Variants in TCF20 observed in about 807,000 individuals in gnomAD.
TCF20 encodes the protein SPRE-binding protein.
In TCF20, 3 loss-of-function variants were observed where a neutral mutation model predicts 148.6. That is an observed-to-expected ratio of 0.02 (90% confidence interval 0.01 to 0.05). The LOEUF (loss-of-function observed/expected upper bound fraction) is 0.05. TCF20 is among the 10% of genes least tolerant of loss of function. The probability of loss-of-function intolerance (pLI) is 1.00; values close to 1 mark genes in which losing one functional copy is unlikely to be tolerated. For missense variants in TCF20, 2,350 were observed against 2,429.3 expected, an observed-to-expected ratio of 0.97 and a Z score of 0.69; for synonymous variants, 1,049 against 909.5, an observed-to-expected ratio of 1.15 and a Z score of -2.76.
intron 1 of TCF20, among the ~76,000 whole-genome samples, chr22:42,257,030 T>C (rs1925781685): frequency 6.6e-6 from 1 of 152,136 alleles, no homozygotes; most frequent in African/African-American, 2.4e-5. Flanking sequence ...TGTGGTGGCA[T>C]GTGCCTGTAG....
At chr22:42,258,483 T>G (rs944124078) in intron 1 of TCF20, among the ~76,000 whole-genome samples, 6 of 152,148 alleles carry the variant, frequency 3.9e-5, no homozygotes, top group Non-Finnish European at 8.8e-5. Context: ...CTCACTCTCC[T>G]GCATCTTCAA....
At chr22:42,165,175 T>C (rs1341248351) in intron 5 of TCF20, among the ~76,000 whole-genome samples, 1 of 152,212 alleles carries the variant, frequency 6.6e-6, no homozygotes, top group Non-Finnish European at 1.5e-5. Flanking sequence ...GGACTGCCTC[T>C]GGACCAGTTT....
At chr22:42,323,074 T>C (rs1462508305) in intron 1 of TCF20, among the ~76,000 whole-genome samples, 1 of 151,310 alleles carries the variant, frequency 6.6e-6, no homozygotes, top group Admixed American at 6.6e-5. Flanking sequence ...GACTGGCTGA[T>C]TTTGTATTTT....
At chr22:42,193,005 G>A (rs1243953334) in intron 2 of TCF20, among the ~76,000 whole-genome samples, 2 of 152,162 alleles carry the variant, frequency 1.3e-5, no homozygotes, top group Non-Finnish European at 2.9e-5. Context: ...TGAATGGGAA[G>A]CATCCCAGGT....
chr22:42,204,866 T>A (rs1237632267), intron 2 of TCF20, among the ~76,000 whole-genome samples: 2 of 150,952 alleles, frequency 1.3e-5, no homozygotes, highest in Non-Finnish European at 3.0e-5. Context: ...AAATAGAAAA[T>A]AAAAATTAAC....
intron 3 of TCF20, among the ~76,000 whole-genome samples, chr22:42,174,430 T>C (rs1160420639): frequency 1.3e-5 from 2 of 152,260 alleles, no homozygotes; most frequent in Non-Finnish European, 2.9e-5. Context: ...TGCTGAAGTG[T>C]GCTCGGGTGG....
At chr22:42,273,360 C>CAAAA (rs35166029), upstream of TCF20, among the ~76,000 whole-genome samples, 5,022 of 61,214 alleles carry the variant, frequency 0.082, 799 homozygotes, top group East Asian at 0.11. Flanking sequence ...AACTCCGTCT[C>CAAAA]AAAAAAAAAA....
In TCF20 at chr22:42,211,570, A is replaced by G; in HGVS notation, c.3736T>C (p.Ser1246Pro). ...MLRLPGQEDH[S>P]SQNPLIMRRR... ...CTCATGATTAAGGGGTTTTGAGAAG[A>G]ATGATCCTCCTGGCCTGGAAGTCTC... Residue 1246 changes from serine (S) to proline (P), a missense_variant, in exon 2 of 6, where the codon TCT (serine) becomes CCT (proline). This residue lies in a region of TCF20 where 1,641 missense variants were observed against 1,662.6 expected (regional missense o/e 0.99). Coordinates refer to ENST00000677622, the MANE Select transcript of TCF20 (RefSeq NM_001378418.1). The G allele has an allele frequency of 6.2e-7, 1 of 1,614,168 alleles. No individual in the cohort carries two copies. The highest frequency in any genetic ancestry group is 8.5e-7 in the Non-Finnish European group (1 of 1,180,016).
intron 1 of TCF20, among the ~76,000 whole-genome samples, chr22:42,318,668 C>T (rs1246327721): frequency 6.6e-6 from 1 of 152,176 alleles, no homozygotes; most frequent in African/African-American, 2.4e-5. Flanking sequence ...GGGATGACTC[C>T]AGGCCCCCAG....
At chr22:42,263,954 C>T (rs1926150775) in intron 1 of TCF20, among the ~76,000 whole-genome samples, 2 of 152,092 alleles carry the variant, frequency 1.3e-5, no homozygotes, top group Non-Finnish European at 2.9e-5. Flanking sequence ...TGGCATCTTC[C>T]TGAGTTGTAA....
intron 2 of TCF20, among the ~76,000 whole-genome samples, chr22:42,189,379 C>A (rs1354633653): frequency 6.6e-6 from 1 of 152,200 alleles, no homozygotes; most frequent in East Asian, 1.9e-4. Context: ...GTGGCACCTG[C>A]TCTAAATGCT....
chr22:42,227,352 T>C (rs1923006561), intron 1 of TCF20, among the ~76,000 whole-genome samples: 2 of 152,168 alleles, frequency 1.3e-5, no homozygotes, highest in Non-Finnish European at 1.5e-5. Context: ...TCACATACCC[T>C]CTTTCAACGA....
chr22:42,263,509 T>A (rs1317416030), intron 1 of TCF20, among the ~76,000 whole-genome samples: 1 of 152,210 alleles, frequency 6.6e-6, no homozygotes, highest in Non-Finnish European at 1.5e-5. Context: ...TTTTCAATTC[T>A]AGAAACCCAT....
intron 2 of TCF20, among the ~76,000 whole-genome samples, chr22:42,187,663 G>C (rs1419214322): frequency 6.6e-6 from 1 of 152,196 alleles, no homozygotes; most frequent in Non-Finnish European, 1.5e-5. Context: ...CATAAGGTGG[G>C]ACCAGCCTGT....
chr22:42,320,372 A>AC (rs1429744583), intron 1 of TCF20, among the ~76,000 whole-genome samples: 1 of 152,206 alleles, frequency 6.6e-6, no homozygotes. Flanking sequence ...TGAAATGGGC[A>AC]CGATGACCCT....
chr22:42,266,315 A>G (rs936976480), intron 1 of TCF20, among the ~76,000 whole-genome samples: 3 of 152,228 alleles, frequency 2.0e-5, no homozygotes. Flanking sequence ...ACACAATTTA[A>G]AATGCCTTGG....
chr22:42,254,822 G>C (rs184141813), intron 1 of TCF20, among the ~76,000 whole-genome samples: 1 of 151,748 alleles, frequency 6.6e-6, no homozygotes, highest in Non-Finnish European at 1.5e-5. Flanking sequence ...AAAATTAGCC[G>C]CGGGTGGAGG....
intron 1 of TCF20, among the ~76,000 whole-genome samples, chr22:42,331,973 A>G (rs555487655): frequency 2.6e-5 from 4 of 152,372 alleles, no homozygotes; most frequent in African/African-American, 9.6e-5. Context: ...TACTAGCAAG[A>G]TGCTATCACA....
rs1404471775 is a variant in TCF20 at position 42,299,077 on chromosome 22, C to G, written c.-37+44402G>C. On this transcript the variant is annotated intron_variant, in intron 1 of 1. Coordinates refer to the TCF20 transcript ENST00000515426. This position sits in a 1 kb window ranked among gnomAD's most constrained non-coding sequence, Gnocchi z 4.1. ...GGGCTCCAAGGGTTCCCACACCCAC[C>G]GCCTGCCCAGACCCCTGCTGTGGAG... Among the ~76,000 whole-genome samples, 1 of 152,184 alleles carries G rather than the reference C, an allele frequency of 6.6e-6. No homozygotes were observed.
Sources: gnomAD v4.1 joint callset for allele counts (sites outside exome capture counted in the v4.1 genomes callset) on GRCh38, gnomAD v4.1.1 for gene constraint, gnomAD v4.1.1 regional missense constraint, Gnocchi (gnomAD v3.1) non-coding constraint, MANE v1.5 for transcripts, NCBI Gene and HGNC (gene_info 2026-07-23, HGNC 2026-07-21) for gene names.